The following EXOC4 variants were observed in gnomAD, a reference collection of about 807,000 sequenced individuals.
EXOC4 encodes SEC8-like 1.
Under a neutral mutation model 107.2 loss-of-function variants are expected in EXOC4, and 71 were observed. That is an observed-to-expected ratio of 0.66 (90% CI 0.55 to 0.81). EXOC4 has a LOEUF of 0.81. Ranked by LOEUF, EXOC4 falls within the 30% of genes least tolerant of loss-of-function variation. The pLI is 0.00. For missense variants in EXOC4, 1,108 were observed against 1,189.6 expected, an observed-to-expected ratio of 0.93 and a Z score of 1.01; for synonymous variants, 456 against 441.2, an observed-to-expected ratio of 1.03 and a Z score of -0.42.
chr7:134,049,602 C>T (rs897343139), intron 17 of EXOC4, among the ~76,000 whole-genome samples: 23 of 152,338 alleles, frequency 1.5e-4, no homozygotes, highest in Admixed American at 1.3e-3. Flanking sequence ...CAGAAACCTA[C>T]AGCCCTTCCT....
intron 7 of EXOC4, among the ~76,000 whole-genome samples, chr7:133,457,616 C>T (rs1485026837): frequency 6.6e-6 from 1 of 152,152 alleles, no homozygotes; most frequent in African/African-American, 2.4e-5. Flanking sequence ...GAAGAGGGAA[C>T]CTTTCTCCTT....
intron 10 of EXOC4, among the ~76,000 whole-genome samples, chr7:133,759,148 T>TG: frequency 6.6e-6 from 1 of 151,518 alleles, no homozygotes; most frequent in East Asian, 1.9e-4. Context: ...AAAAGAATTT[T>TG]TTTTTTTTTT....
At chr7:133,407,132 T>C (rs1253247494) in intron 7 of EXOC4, among the ~76,000 whole-genome samples, 2 of 152,158 alleles carry the variant, frequency 1.3e-5, no homozygotes, top group African/African-American at 4.8e-5. Context: ...CTCCCCTTTA[T>C]ACCTGATCAC....
chr7:133,357,004 C>T (rs1417663619), intron 6 of EXOC4, among the ~76,000 whole-genome samples: 1 of 152,112 alleles, frequency 6.6e-6, no homozygotes, highest in Non-Finnish European at 1.5e-5. Context: ...ATACTATAGC[C>T]CATACAAACT....
chr7:133,747,504 A>G (rs929937511), intron 10 of EXOC4, among the ~76,000 whole-genome samples: 3 of 152,194 alleles, frequency 2.0e-5, no homozygotes, highest in Non-Finnish European at 4.4e-5. Flanking sequence ...TTAGAACGCC[A>G]AGAAGACTAA....
intron 9 of EXOC4, among the ~76,000 whole-genome samples, chr7:133,492,656 T>A (rs1385316684): frequency 6.6e-6 from 1 of 152,174 alleles, no homozygotes; most frequent in East Asian, 1.9e-4. Flanking sequence ...CTTTCTTTTT[T>A]TTCTAGGCTT....
At chr7:133,735,827 C>A (rs1165398960) in intron 10 of EXOC4, among the ~76,000 whole-genome samples, 1 of 152,166 alleles carries the variant, frequency 6.6e-6, no homozygotes, top group Non-Finnish European at 1.5e-5. Context: ...TGGATTATCC[C>A]TGTAATCTCA....
intron 11 of EXOC4, among the ~76,000 whole-genome samples, chr7:133,838,587 C>A (rs1389893293): frequency 1.3e-5 from 2 of 152,292 alleles, no homozygotes; most frequent in East Asian, 3.9e-4. Flanking sequence ...CCAGGCACAT[C>A]TTAAAATGCA....
chr7:134,043,885 T>A (rs1342846395), intron 17 of EXOC4, among the ~76,000 whole-genome samples: 1 of 152,146 alleles, frequency 6.6e-6, no homozygotes, highest in Non-Finnish European at 1.5e-5. Context: ...CCTCATCTTT[T>A]CCCTCATTCC....
chr7:133,884,634 A>G (rs910437138), intron 11 of EXOC4, among the ~76,000 whole-genome samples: 1 of 143,698 alleles, frequency 7.0e-6, no homozygotes, highest in African/African-American at 2.8e-5. Context: ...CGCGTGTGTG[A>G]TGGTGCTGGA....
chr7:133,466,212 A>G (rs1451638903), intron 7 of EXOC4, among the ~76,000 whole-genome samples: 2 of 152,154 alleles, frequency 1.3e-5, no homozygotes, highest in East Asian at 1.9e-4. Context: ...GTGATAATCA[A>G]TGAAATAAAA....
chr7:133,451,307 A>T (rs955723681), intron 7 of EXOC4, among the ~76,000 whole-genome samples: 77 of 152,006 alleles, frequency 5.1e-4, no homozygotes, highest in African/African-American at 1.8e-3. Context: ...GACAAATATC[A>T]TTTTAATTTG....
At chr7:133,377,452 T>A (rs528693302) in intron 7 of EXOC4, among the ~76,000 whole-genome samples, 1 of 152,090 alleles carries the variant, frequency 6.6e-6, no homozygotes, top group Non-Finnish European at 1.5e-5. Context: ...AATTTGAGGA[T>A]AGATCAATGT....
At chr7:133,384,515 A>G (rs569030773) in intron 7 of EXOC4, among the ~76,000 whole-genome samples, 1 of 152,156 alleles carries the variant, frequency 6.6e-6, no homozygotes, top group Non-Finnish European at 1.5e-5. Context: ...GGGCCAAGGC[A>G]AGAATGTTGC....
At chr7:133,433,662 T>G (rs556488742) in intron 7 of EXOC4, among the ~76,000 whole-genome samples, 2 of 152,362 alleles carry the variant, frequency 1.3e-5, no homozygotes, top group East Asian at 3.9e-4. Flanking sequence ...CTCATTTCTT[T>G]TAAAGACCTT....
intron 10 of EXOC4, among the ~76,000 whole-genome samples, chr7:133,715,020 T>G (rs1006528368): frequency 1.3e-5 from 2 of 152,134 alleles, no homozygotes; most frequent in East Asian, 3.9e-4. Context: ...TCTTCTTCTG[T>G]TTTTTCTTTA....
At chr7:133,711,247 G>T (rs1350689806) in intron 10 of EXOC4, among the ~76,000 whole-genome samples, 1 of 152,104 alleles carries the variant, frequency 6.6e-6, no homozygotes, top group Non-Finnish European at 1.5e-5. Context: ...CTTTCTTATT[G>T]CTGTATTCTT....
intron 7 of EXOC4, among the ~76,000 whole-genome samples, chr7:133,450,366 T>C (rs1798314425): frequency 6.6e-6 from 1 of 152,192 alleles, no homozygotes; most frequent in Non-Finnish European, 1.5e-5. Context: ...TTTTGCTTTC[T>C]TGCCCAGTCT....
the EXOC4 span, among the ~76,000 whole-genome samples, chr7:134,076,705 GTATA>G: frequency 1.4e-3 from 207 of 147,150 alleles, no homozygotes; most frequent in African/African-American, 5.0e-3. Flanking sequence ...ATCTATAATT[GTATA>G]TATATATATA....
Sources: gnomAD v4.1 joint callset for allele counts (sites outside exome capture counted in the v4.1 genomes callset) on GRCh38, gnomAD v4.1.1 for gene constraint, MANE v1.5 for transcripts, NCBI Gene and HGNC (gene_info 2026-07-23, HGNC 2026-07-21) for gene names.